The following IL1RAPL1 variants were observed in gnomAD, a reference collection of about 807,000 sequenced individuals.
IL1RAPL1 encodes the protein interleukin 1 receptor accessory protein like 1, also known as interleukin-1 receptor accessory protein-like 1.
In IL1RAPL1, 3 loss-of-function variants were observed where a neutral mutation model predicts 48.4. That is an observed-to-expected ratio of 0.06 (90% CI 0.03 to 0.16). IL1RAPL1 has a LOEUF of 0.16. Ranked by LOEUF, IL1RAPL1 falls within the 10% of genes least tolerant of loss-of-function variation. The pLI is 1.00. For missense variants in IL1RAPL1, 349 were observed against 530.6 expected, an observed-to-expected ratio of 0.66 and a Z score of 3.36; for synonymous variants, 185 against 187.7, an observed-to-expected ratio of 0.99 and a Z score of 0.12.
intron 1 of IL1RAPL1, among the ~76,000 whole-genome samples, chrX:28,598,483 T>C (rs1394005573): frequency 9.0e-6 from 1 of 111,269 alleles, no homozygotes; most frequent in Non-Finnish European, 1.9e-5. Flanking sequence ...TGCAATTTAC[T>C]TAGGCACAAA....
intron 2 of IL1RAPL1, among the ~76,000 whole-genome samples, chrX:28,832,738 G>GT (rs1248072437): frequency 1.2e-3 from 120 of 97,261 alleles, no homozygotes; most frequent in Middle Eastern, 5.7e-3. Flanking sequence ...GTTGGTCAAG[G>GT]TTTTTTTTTT....
At chrX:29,157,510 T>A (rs956697284) in intron 2 of IL1RAPL1, among the ~76,000 whole-genome samples, 6 of 111,975 alleles carry the variant, frequency 5.4e-5, no homozygotes, top group African/African-American at 1.9e-4. Context: ...GGATGTGTAA[T>A]AAATGAACAC....
Position 29,651,660 on chromosome X carries a change from A to G in IL1RAPL1, c.704-16770A>G, listed in dbSNP as rs941764310. On this transcript the variant is annotated intron_variant, in intron 5 of 10. Transcript: ENST00000378993. Reference sequence around the variant, plus strand: ...TGGGGAAATGTTAGGCAAAGGATATATAATTATAGTTAGATAGAAGGAATA... The same window carrying G: ...TGGGGAAATGTTAGGCAAAGGATATGTAATTATAGTTAGATAGAAGGAATA... 3.6e-5 allele frequency among the ~76,000 whole-genome samples: 4 copies of G among 111,233 alleles called. No individual in the cohort carries two copies. In the East Asian group the frequency reaches 1.1e-3, roughly 32 times the overall value.
chrX:28,808,853 C>T (rs1346028777), intron 2 of IL1RAPL1, among the ~76,000 whole-genome samples: 2 of 110,385 alleles, frequency 1.8e-5, no homozygotes, highest in East Asian at 5.7e-4. Flanking sequence ...ATTTTTGAGT[C>T]AATGGGTGAA....
At chrX:29,351,673 G>T in intron 3 of IL1RAPL1, among the ~76,000 whole-genome samples, 1 of 112,100 alleles carries the variant, frequency 8.9e-6, no homozygotes, top group Non-Finnish European at 1.9e-5. Flanking sequence ...AATGGATTTT[G>T]ATTTGCCGTA....
At chrX:28,896,063 G>T (rs1444302105) in intron 2 of IL1RAPL1, among the ~76,000 whole-genome samples, 2 of 112,232 alleles carry the variant, frequency 1.8e-5, no homozygotes, top group Non-Finnish European at 3.8e-5. Flanking sequence ...GCAAGCTCCT[G>T]GGGGAGGAGG....
chrX:29,182,962 A>G lies in IL1RAPL1; in HGVS notation c.83-99976A>G, dbSNP rs752340533. 1.2e-4 allele frequency among the ~76,000 whole-genome samples: 13 copies of G among 111,294 alleles called. No homozygotes were observed. The South Asian group carries it at 4.9e-3, about 42-fold the overall frequency. ...TGCGGGACCATGAGACAAGGAATAT[A>G]GGCAGCCTTTAGAAGCTGAAAAAGG... On this transcript the variant is annotated intron_variant, in intron 2 of 10. Transcript: ENST00000378993.
chrX:29,707,617 G>A (rs1487035779), intron 6 of IL1RAPL1, among the ~76,000 whole-genome samples: 1 of 112,029 alleles, frequency 8.9e-6, no homozygotes, highest in African/African-American at 3.2e-5. Flanking sequence ...AAAAAGGAAT[G>A]AAACAGTGGC....
chrX:29,903,717 G>C (rs760381270), intron 6 of IL1RAPL1, among the ~76,000 whole-genome samples: 1 of 111,724 alleles, frequency 9.0e-6, no homozygotes, highest in South Asian at 3.8e-4. Flanking sequence ...TCATGGCCTA[G>C]TTAAAAGGCT....
chrX:29,715,036 G>A (rs548221508), intron 6 of IL1RAPL1, among the ~76,000 whole-genome samples: 5 of 111,646 alleles, frequency 4.5e-5, no homozygotes, highest in South Asian at 3.8e-4. Context: ...CATATACCTC[G>A]GGGCATCCTG....
At chrX:28,901,705 A>G (rs987412603) in intron 2 of IL1RAPL1, among the ~76,000 whole-genome samples, 1 of 112,042 alleles carries the variant, frequency 8.9e-6, no homozygotes, top group African/African-American at 3.2e-5. Context: ...TTTGAGGTAT[A>G]ATAATTCACA....
intron 6 of IL1RAPL1, among the ~76,000 whole-genome samples, chrX:29,873,156 T>C (rs1444245627): frequency 9.0e-6 from 1 of 111,449 alleles, no homozygotes; most frequent in Non-Finnish European, 1.9e-5. Context: ...TGTCATTGAC[T>C]GACATAACCC....
intron 3 of IL1RAPL1, among the ~76,000 whole-genome samples, chrX:29,364,479 C>T (rs1368282380): frequency 9.7e-6 from 1 of 103,538 alleles, no homozygotes; most frequent in Non-Finnish European, 1.9e-5. Flanking sequence ...AGGAGAGTTG[C>T]TTGAACCCGG....
At chrX:29,854,586 C>T (rs1394833907) in intron 6 of IL1RAPL1, among the ~76,000 whole-genome samples, 1 of 111,318 alleles carries the variant, frequency 9.0e-6, no homozygotes, top group African/African-American at 3.3e-5. Context: ...ACATTTGAAT[C>T]CCAACTTCCC....
At chrX:29,370,543 A>C (rs1201729842) in intron 3 of IL1RAPL1, among the ~76,000 whole-genome samples, 1 of 109,933 alleles carries the variant, frequency 9.1e-6, no homozygotes, top group Non-Finnish European at 1.9e-5. Flanking sequence ...CCTGTTCCTA[A>C]AAGGAGATGT....
At chrX:28,864,753 A>T (rs763960858) in intron 2 of IL1RAPL1, among the ~76,000 whole-genome samples, 1 of 111,634 alleles carries the variant, frequency 9.0e-6, no homozygotes, top group African/African-American at 3.3e-5. Flanking sequence ...AAAGTCAGTG[A>T]TCATTTAGGG....
chrX:29,766,083 C>A (rs2147147847), intron 6 of IL1RAPL1, among the ~76,000 whole-genome samples: 1 of 108,569 alleles, frequency 9.2e-6, no homozygotes, highest in East Asian at 2.9e-4. Flanking sequence ...GTAATCCCAG[C>A]ACTTTGGGAG....
At chrX:29,061,736 G>A (rs1473598942) in intron 2 of IL1RAPL1, among the ~76,000 whole-genome samples, 1 of 112,600 alleles carries the variant, frequency 8.9e-6, no homozygotes, top group Non-Finnish European at 1.9e-5. Flanking sequence ...CGGGATTATA[G>A]GCGTGAGCCA....
intron 1 of IL1RAPL1, among the ~76,000 whole-genome samples, chrX:28,634,048 C>T (rs1315144696): frequency 9.1e-6 from 1 of 110,072 alleles, no homozygotes; most frequent in East Asian, 2.8e-4. Context: ...TTCTGTCTCC[C>T]TGGCTGGAGC....
Sources: gnomAD v4.1 joint callset for allele counts (sites outside exome capture counted in the v4.1 genomes callset) on GRCh38, gnomAD v4.1.1 for gene constraint, MANE v1.5 for transcripts, NCBI Gene and HGNC (gene_info 2026-07-23, HGNC 2026-07-21) for gene names.